Variants in ZNF366 observed in about 807,000 individuals in gnomAD.
The protein encoded by ZNF366 is zinc finger protein 366.
In ZNF366, 20 loss-of-function variants were observed where a neutral mutation model predicts 47.2. That is an observed-to-expected ratio of 0.42 (90% CI 0.30 to 0.62). The LOEUF (loss-of-function observed/expected upper bound fraction) is 0.62, where lower values mean the gene tolerates loss of function less well. ZNF366 is among the 20% of genes least tolerant of loss of function. The probability of loss-of-function intolerance (pLI) is 0.16; values close to 1 mark genes in which losing one functional copy is unlikely to be tolerated. For synonymous variants in ZNF366, 421 were observed against 395.1 expected (o/e 1.07, Z -0.78); for missense variants, 987 against 976.3 (o/e 1.01, Z -0.15).
intron 3 of ZNF366, among the ~76,000 whole-genome samples, chr5:72,454,614 G>A (rs1049476782): frequency 3.3e-5 from 5 of 152,164 alleles, no homozygotes; most frequent in African/African-American, 1.2e-4. Flanking sequence ...TATGTTAATG[G>A]CTCTCTTCAT....
intron 3 of ZNF366, among the ~76,000 whole-genome samples, chr5:72,449,335 T>C: frequency 1.3e-5 from 2 of 151,688 alleles, no homozygotes; most frequent in Middle Eastern, 3.2e-3. Flanking sequence ...AGCCTCCACT[T>C]CCCAGGTTCA....
intron 3 of ZNF366, among the ~76,000 whole-genome samples, chr5:72,452,478 AC>A (rs1423685676): frequency 6.6e-6 from 1 of 152,032 alleles, no homozygotes; most frequent in Non-Finnish European, 1.5e-5. Flanking sequence ...CACTGCCTTA[AC>A]CCCCTCCATG....
At chr5:72,488,161 T>C (rs1743929327) in intron 1 of ZNF366, among the ~76,000 whole-genome samples, 1 of 151,584 alleles carries the variant, frequency 6.6e-6, no homozygotes, top group South Asian at 2.1e-4. Flanking sequence ...TGAGCCAAGA[T>C]TGCACCATTG....
Position 72,467,361 on chromosome 5 carries a change from G to T in ZNF366, c.-14-5851C>A, listed in dbSNP as rs528314198. Among the ~76,000 whole-genome samples, 9 of 152,298 alleles carry T rather than the reference G, an allele frequency of 5.9e-5. No homozygotes were observed. The East Asian group carries it at 1.5e-3, about 26-fold the overall frequency. On this transcript the variant is annotated intron_variant, in intron 1 of 4. Coordinates refer to ENST00000318442, the MANE Select transcript of ZNF366 (RefSeq NM_152625.3). ...AGAAATAGGGAAATCGGGAATGAAT[G>T]AATTTTAAAACCAAAACCAAAACCT...
intron 1 of ZNF366, among the ~76,000 whole-genome samples, chr5:72,466,369 G>A (rs1379171810): frequency 2.0e-5 from 3 of 152,184 alleles, no homozygotes; most frequent in African/African-American, 7.2e-5. Context: ...TGAAGCAAAG[G>A]CTGATCTCAT....
chr5:72,500,125 T>C (rs1744187467), intron 1 of ZNF366, among the ~76,000 whole-genome samples: 1 of 152,072 alleles, frequency 6.6e-6, no homozygotes, highest in Non-Finnish European at 1.5e-5. Flanking sequence ...GAGAAGCGGG[T>C]CCTCCCTTTC....
Position 72,461,268 on chromosome 5 carries a change from T to G in ZNF366, c.229A>C (p.Arg77=). The G allele has an allele frequency of 1.9e-6, 3 of 1,614,088 alleles. No homozygotes were observed. The highest frequency in any genetic ancestry group is 2.5e-6 in the Non-Finnish European group (3 of 1,180,008). The change falls in exon 2 of 5, where the codon AGG becomes CGG. Residue 77 remains arginine, a synonymous_variant. Transcript: ENST00000318442. ...FPGVFEGAGS[R]KRKSMPTKMP... Reference sequence around the variant, plus strand: ...TTTGTGGGCATGCTCTTCCGTTTCCTAGACCCTGCTCCTTCGAAGACCCCG... The same window carrying G: ...TTTGTGGGCATGCTCTTCCGTTTCCGAGACCCTGCTCCTTCGAAGACCCCG...
intron 3 of ZNF366, 128 bp downstream of exon 3, chr5:72,456,276 G>T: frequency 2.1e-6 from 2 of 949,512 alleles, no homozygotes. Flanking sequence ...TGGGACCTGG[G>T]GTTGGCCACG....
At chr5:72,459,205 A>C (rs1478191690) in intron 2 of ZNF366, among the ~76,000 whole-genome samples, 1 of 152,228 alleles carries the variant, frequency 6.6e-6, no homozygotes, top group Admixed American at 6.5e-5. Flanking sequence ...CACAGCAGAA[A>C]CATTATCTTG....
At chr5:72,472,386 G>T (rs1322224576) in intron 1 of ZNF366, among the ~76,000 whole-genome samples, 1 of 152,154 alleles carries the variant, frequency 6.6e-6, no homozygotes, top group East Asian at 1.9e-4. Context: ...TCATTAAAAT[G>T]TCAGTTAAAA....
At chr5:72,491,708 G>A (rs920054922) in intron 1 of ZNF366, among the ~76,000 whole-genome samples, 2 of 152,172 alleles carry the variant, frequency 1.3e-5, no homozygotes, top group African/African-American at 4.8e-5. Context: ...AACAACACTG[G>A]TAAGAAGGTA....
chr5:72,506,957 G>A (rs569167566), intron 1 of ZNF366, among the ~76,000 whole-genome samples: 2 of 152,268 alleles, frequency 1.3e-5, no homozygotes, highest in African/African-American at 4.8e-5. Flanking sequence ...CATCTCACAC[G>A]CCAGTGGCTC....
intron 2 of ZNF366, among the ~76,000 whole-genome samples, chr5:72,459,284 T>C (rs1173274588): frequency 6.6e-6 from 1 of 152,190 alleles, no homozygotes; most frequent in African/African-American, 2.4e-5. Flanking sequence ...TTGCTAGAAG[T>C]CTTTCCTGCC....
intron 1 of ZNF366, among the ~76,000 whole-genome samples, chr5:72,494,672 G>A (rs1257912875): frequency 2.6e-5 from 4 of 151,334 alleles, no homozygotes; most frequent in Non-Finnish European, 4.4e-5. Context: ...GAAGTGACAG[G>A]GATTCACAGA....
chr5:72,468,323 G>A (rs1334171348), intron 1 of ZNF366, among the ~76,000 whole-genome samples: 1 of 152,084 alleles, frequency 6.6e-6, no homozygotes, highest in South Asian at 2.1e-4. Context: ...TGCCCTTCTG[G>A]CCCCCATTTA....
At chr5:72,496,487 A>G (rs539538472) in intron 1 of ZNF366, among the ~76,000 whole-genome samples, 1 of 152,090 alleles carries the variant, frequency 6.6e-6, no homozygotes, top group African/African-American at 2.4e-5. Flanking sequence ...TTTATTGTTG[A>G]GTAGTATTCC....
chr5:72,454,093 T>A (rs1743132678), intron 3 of ZNF366, among the ~76,000 whole-genome samples: 1 of 152,234 alleles, frequency 6.6e-6, no homozygotes, highest in South Asian at 2.1e-4. Context: ...TTCTACTTTA[T>A]AAACCACTCT....
In ZNF366 at chr5:72,444,282, C is replaced by T. The variant is rs750760731; in HGVS notation, c.1709G>A (p.Arg570Lys). The T allele has an allele frequency of 6.8e-6, 11 of 1,608,240 alleles. No homozygotes were observed. The South Asian group carries it at 1.1e-4, about 16-fold the overall frequency. Reference protein sequence around the residue: ...ERGLHSQGLGRGRIALAQTAG... With the variant: ...ERGLHSQGLGKGRIALAQTAG... ...TGTCTGTGCCAGGGCGATTCTCCCC[C>T]TTCCCAGACCTGCAAGAGCAGAGTA... is the stretch of plus-strand genomic sequence containing the variant. The change falls in exon 5 of 5, where the codon AGG (arginine) becomes AAG (lysine). Residue 570 changes from arginine to lysine, a missense_variant. Physicochemically the swap from Arg to Lys is conservative, Grantham distance 26. This residue lies in a region of ZNF366 where 285 missense variants were observed against 234.8 expected (regional missense o/e 1.21). Coordinates refer to ENST00000318442, the MANE Select transcript of ZNF366 (RefSeq NM_152625.3).
chr5:72,460,064 A>G lies in ZNF366; in HGVS notation c.1332+101T>C, dbSNP rs1255453740. The G allele has an allele frequency of 7.6e-6, 11 of 1,454,802 alleles. No homozygotes were observed. The African/African-American group carries it at 1.3e-4, about 17-fold the overall frequency. 90.1% of individuals were successfully genotyped at this position (1,454,802 alleles called of 1,614,324 possible). A position where few individuals can be genotyped will look rare whatever the true frequency, so the allele number is the denominator to read the frequency against. ...CCGGGGTTGCCCACCTCCTCGGGGT[A>G]AGGTGCAGAGCGGCACAGGCGTCCT... On this transcript the variant is annotated intron_variant, in intron 2 of 4. Coordinates refer to ENST00000318442, the MANE Select transcript of ZNF366 (RefSeq NM_152625.3).
Sources: allele counts gnomAD v4.1 joint callset (sites outside exome capture counted in the v4.1 genomes callset), GRCh38; gene constraint gnomAD v4.1.1; regional missense constraint gnomAD v4.1.1; transcripts MANE v1.5; gene names NCBI Gene and HGNC (gene_info 2026-07-23, HGNC 2026-07-21).